Variants in MLIP observed in about 807,000 individuals in gnomAD.
MLIP encodes the protein muscular LMNA-interacting protein.
In MLIP, 79 loss-of-function variants were observed where a neutral mutation model predicts 84.8. The observed-to-expected ratio is 0.93, with a 90% CI of 0.78 to 1.12. MLIP has a LOEUF of 1.12. Among genes scored for constraint, MLIP ranks in the 50% most tolerant of loss-of-function variants. MLIP has a pLI of 0.00. For synonymous variants in MLIP, 504 were observed against 463.0 expected (o/e 1.09, Z -1.14); for missense variants, 1,257 against 1,160.6 (o/e 1.08, Z -1.21).
intron 12 of MLIP, among the ~76,000 whole-genome samples, chr6:54,252,823 C>A (rs572572972): frequency 5.6e-4 from 85 of 151,988 alleles, no homozygotes; most frequent in South Asian, 2.1e-4. Flanking sequence ...AAATTTAATT[C>A]TTTTTAAAGC....
At chr6:54,216,019 G>T (rs921599832) in intron 11 of MLIP, 9 of 359,702 alleles carry the variant, frequency 2.5e-5, no homozygotes, top group Non-Finnish European at 3.5e-5. Context: ...CTTTTTTAAG[G>T]CTGAATAATA....
In MLIP at chr6:54,137,586, C is replaced by T; in HGVS notation, c.1517C>T (p.Pro506Leu). 1 of 1,536,104 alleles carries T rather than the reference C, an allele frequency of 6.5e-7. No homozygotes were observed. Among genetic ancestry groups the T allele is most frequent in the Non-Finnish European group, 8.7e-7 (1 of 1,146,906 alleles). The change falls in exon 4 of 14, where the codon CCC becomes CTC. Residue 506 changes from proline (P) to leucine (L), a missense_variant. By Grantham distance (98) the Pro-to-Leu change is moderately conservative. Coordinates refer to ENST00000502396, the MANE Select transcript of MLIP (RefSeq NM_001281747.2). ...FTKSTPLSQA[P>L]SLSPTKQASS... ...AAGTCTACTCCGCTTTCTCAGGCGC[C>T]CTCCCTCTCTCCTACAAAACAGGCT...
intron 4 of MLIP, among the ~76,000 whole-genome samples, chr6:54,148,579 A>G (rs1399228457): frequency 1.3e-5 from 2 of 152,140 alleles, no homozygotes; most frequent in Admixed American, 6.6e-5. Context: ...GCTAATTTTT[A>G]TGTATTTTGA....
At chr6:54,144,859 A>G (rs1772639565) in intron 4 of MLIP, among the ~76,000 whole-genome samples, 1 of 152,202 alleles carries the variant, frequency 6.6e-6, no homozygotes, top group Non-Finnish European at 1.5e-5. Context: ...GCAACAGGAT[A>G]TATGACTTTA....
chr6:54,165,386 A>G (rs1298832988), intron 8 of MLIP, among the ~76,000 whole-genome samples: 1 of 151,908 alleles, frequency 6.6e-6, no homozygotes, highest in African/African-American at 2.4e-5. Context: ...GAAGCTAGCC[A>G]GTTGTTGAAA....
At chr6:54,023,997 T>C (rs1561872264) in intron 1 of MLIP, among the ~76,000 whole-genome samples, 3 of 152,222 alleles carry the variant, frequency 2.0e-5, no homozygotes, top group Non-Finnish European at 4.4e-5. Flanking sequence ...GATAGCTCTT[T>C]AAATAAGGTT....
At position 54,213,734 on chromosome 6, in the gene MLIP, A is replaced by AAAAAAAACC. The variant is rs368508685; in HGVS notation, c.2718+11503_2718+11504insAAAAACCAA. Among the ~76,000 whole-genome samples the AAAAAAAACC allele has an allele frequency of 3.5e-4, 29 of 82,364 alleles. 5 individuals are homozygous for AAAAAAAACC. Among genetic ancestry groups the AAAAAAAACC allele is most frequent in the Non-Finnish European group, 4.5e-4 (19 of 42,148 alleles). The allele number at this position is 82,364 out of a possible 152,430, so 54.0% of individuals were successfully genotyped here. A position where few individuals can be genotyped will look rare whatever the true frequency, so the allele number is the denominator to read the frequency against. On this transcript the variant is annotated intron_variant, in intron 11 of 13. Transcript: ENST00000502396. ...AAAAAAAAAAAAAAAAAAAAAAAAAAAACAACAAACAGCATATCTTGTATG... is the reference window on the plus strand; with the variant it reads ...AAAAAAAAAAAAAAAAAAAAAAAAAAAAAAAAACCAACAACAAACAGCATATCTTGTATG...
intron 13 of MLIP, chr6:54,261,773 C>T (rs957111491): frequency 1.3e-5 from 13 of 976,928 alleles, no homozygotes; most frequent in Admixed American, 6.2e-5. Flanking sequence ...TGGTTTGATT[C>T]AAGGGTAAAA....
chr6:54,206,079 G>C (rs1779015585), intron 11 of MLIP, among the ~76,000 whole-genome samples: 1 of 152,146 alleles, frequency 6.6e-6, no homozygotes. Context: ...GCAATTTGCT[G>C]ATGAGAATGA....
chr6:54,082,502 C>T (rs1179709289), intron 1 of MLIP, among the ~76,000 whole-genome samples: 1 of 152,162 alleles, frequency 6.6e-6, no homozygotes, highest in African/African-American at 2.4e-5. Context: ...ATTCGGATTA[C>T]AATTCAGAGA....
chr6:54,058,375 G>A (rs1178073863), intron 1 of MLIP, among the ~76,000 whole-genome samples: 1 of 152,194 alleles, frequency 6.6e-6, no homozygotes, highest in Non-Finnish European at 1.5e-5. Flanking sequence ...TTACTGCCAA[G>A]GACTTGAGTG....
At chr6:54,089,647 A>C (rs2150369272) in intron 1 of MLIP, among the ~76,000 whole-genome samples, 1 of 152,252 alleles carries the variant, frequency 6.6e-6, no homozygotes, top group South Asian at 2.1e-4. Context: ...TCAAAAACAA[A>C]ACAAAAGAAA....
chr6:54,160,299 G>A, intron 5 of MLIP, 68 bp from the exon 6 acceptor site: 1 of 1,265,282 alleles, frequency 7.9e-7, no homozygotes, highest in Non-Finnish European at 1.1e-6. Context: ...GGCTTTCTTT[G>A]AAGATACTTT....
chr6:54,062,187 TG>T (rs1329393536), intron 1 of MLIP, among the ~76,000 whole-genome samples: 2 of 152,208 alleles, frequency 1.3e-5, no homozygotes, highest in African/African-American at 4.8e-5. Flanking sequence ...ATTAACAGTA[TG>T]TTTTTTTTTC....
chr6:54,174,047 G>A (rs567428021), intron 9 of MLIP, among the ~76,000 whole-genome samples: 75 of 152,006 alleles, frequency 4.9e-4, no homozygotes, highest in African/African-American at 1.6e-3. Context: ...TTCCATACAT[G>A]TTGTAGCAAA....
intron 3 of MLIP, among the ~76,000 whole-genome samples, chr6:54,131,921 T>C (rs780340829): frequency 5.3e-5 from 8 of 152,300 alleles, no homozygotes; most frequent in African/African-American, 1.7e-4. Context: ...ATGTCAGTGA[T>C]TGGCTGTTGG....
intron 11 of MLIP, chr6:54,217,378 G>T (rs541520272): frequency 3.2e-5 from 32 of 985,418 alleles, no homozygotes; most frequent in Middle Eastern, 1.0e-3. Context: ...AACAGTTTTT[G>T]AAGTTAAACA....
rs191954496 is a variant in MLIP at position 54,261,635 on chromosome 6, A to T, written c.2976+4274A>T. On this transcript the variant is annotated intron_variant, in intron 13 of 13. Transcript: ENST00000502396. ...GAGTTTATTTTATTTTGAATTTCAG[A>T]ACCTCCACTGATGTCTAAGGTTCTA... 125 of 984,998 alleles carry T rather than the reference A, an allele frequency of 1.3e-4. 1 individual carries two copies. The Admixed American group carries it at 7.6e-3, about 60-fold the overall frequency. 61.0% of individuals were successfully genotyped at this position (984,998 alleles called of 1,614,324 possible).
intron 11 of MLIP, among the ~76,000 whole-genome samples, chr6:54,209,148 C>A (rs923921214): frequency 3.9e-5 from 6 of 152,210 alleles, no homozygotes; most frequent in African/African-American, 1.2e-4. Flanking sequence ...GTGTTATAGA[C>A]AGATTTTGAA....
Sources: gnomAD v4.1 joint callset for allele counts (sites outside exome capture counted in the v4.1 genomes callset) on GRCh38, gnomAD v4.1.1 for gene constraint, MANE v1.5 for transcripts, NCBI Gene and HGNC (gene_info 2026-07-23, HGNC 2026-07-21) for gene names.